The following GABRA2 variants were observed in gnomAD, a reference collection of about 807,000 sequenced individuals.
The protein encoded by GABRA2 is gamma-aminobutyric acid receptor subunit alpha-2.
GABRA2 carries 16 observed loss-of-function variants against 48.7 expected under a neutral mutation model. The ratio of observed to expected loss-of-function variants is 0.33; its 90% CI spans 0.22 to 0.50. The LOEUF is 0.50. GABRA2 is among the 20% of genes least tolerant of loss of function. The pLI, the probability that GABRA2 is intolerant of heterozygous loss-of-function variation, is 0.98. For synonymous variants in GABRA2, 185 were observed against 184.5 expected, an observed-to-expected ratio of 1.00 and a Z score of -0.02; for missense variants, 275 against 535.6, an observed-to-expected ratio of 0.51 and a Z score of 4.80.
chr4:46,344,455 A>C (rs1028911236), intron 3 of GABRA2, among the ~76,000 whole-genome samples: 1 of 151,972 alleles, frequency 6.6e-6, no homozygotes, highest in African/African-American at 2.4e-5. Context: ...ATGTTCAAAA[A>C]GCCGTGAGAA....
chr4:46,367,440 G>C (rs1714214462), intron 3 of GABRA2: 1 of 151,938 alleles, frequency 6.6e-6, no homozygotes, highest in African/African-American at 2.4e-5. Flanking sequence ...CATTCTCCCT[G>C]GCAATTACTG....
At chr4:46,319,123 T>G (rs958591949) in intron 4 of GABRA2, among the ~76,000 whole-genome samples, 1 of 151,864 alleles carries the variant, frequency 6.6e-6, no homozygotes, top group African/African-American at 2.4e-5. Flanking sequence ...GAAATCACTC[T>G]CTATAAACTA....
intron 3 of GABRA2, chr4:46,366,448 C>T (rs963666328): frequency 1.3e-5 from 2 of 152,112 alleles, no homozygotes; most frequent in Non-Finnish European, 2.9e-5. Context: ...TACATATACT[C>T]ATTGATACCA....
intron 8 of GABRA2, among the ~76,000 whole-genome samples, chr4:46,295,424 T>C (rs913895020): frequency 3.9e-5 from 6 of 152,218 alleles, no homozygotes; most frequent in Non-Finnish European, 5.9e-5. Flanking sequence ...ACTGTGAAGA[T>C]ATTTTTATCC....
intron 9 of GABRA2, among the ~76,000 whole-genome samples, chr4:46,255,309 A>C (rs1170409523): frequency 1.3e-5 from 2 of 151,738 alleles, no homozygotes; most frequent in Admixed American, 1.3e-4. Flanking sequence ...CATATAGACT[A>C]TAATAAATAC....
In GABRA2 at chr4:46,248,253, T is replaced by C. The variant is rs1714076835; in HGVS notation, c.*2055A>G. Among the ~76,000 whole-genome samples the C allele has an allele frequency of 6.6e-6, 1 of 151,374 alleles. No individual in the cohort carries two copies. On this transcript the variant is annotated 3_prime_UTR_variant, in exon 10 of 10. Coordinates refer to ENST00000381620, the MANE Select transcript of GABRA2 (RefSeq NM_000807.4). ...ATAATGCATACCATATAGAGCAATTTCATTGCTTGCCTTCTGGCATTGTGT... is the reference window on the plus strand; with the variant it reads ...ATAATGCATACCATATAGAGCAATTCCATTGCTTGCCTTCTGGCATTGTGT...
At chr4:46,316,777 T>G in intron 4 of GABRA2, among the ~76,000 whole-genome samples, 1 of 152,068 alleles carries the variant, frequency 6.6e-6, no homozygotes, top group South Asian at 2.1e-4. Context: ...CCTCTATAAA[T>G]TATCTGTTCA....
At chr4:46,251,506 A>C (rs1294572617) in intron 9 of GABRA2, among the ~76,000 whole-genome samples, 1 of 151,390 alleles carries the variant, frequency 6.6e-6, no homozygotes, top group Admixed American at 6.6e-5. Flanking sequence ...TAGCCATGAT[A>C]TTTCCCCAGC....
At chr4:46,352,002 T>C (rs1735212861) in intron 3 of GABRA2, among the ~76,000 whole-genome samples, 2 of 150,578 alleles carry the variant, frequency 1.3e-5, no homozygotes, top group South Asian at 4.2e-4. Context: ...TCCACTTACT[T>C]GTTCCTGCCA....
rs1713825045 is a variant in GABRA2 at position 46,246,959 on chromosome 4, G to T, written c.*3349C>A. On this transcript the variant is annotated 3_prime_UTR_variant, in exon 10 of 10. Transcript: ENST00000381620. ...GAATCCATGATTATATCATGGCAGG[G>T]TTTGTGTCCCTCAACCAGGAATTCA... 6.6e-6 allele frequency among the ~76,000 whole-genome samples: 1 copy of T among 150,982 alleles called. No individual in the cohort carries two copies.
intron 8 of GABRA2, among the ~76,000 whole-genome samples, chr4:46,288,309 G>T (rs1327264248): frequency 2.0e-5 from 3 of 152,108 alleles, no homozygotes; most frequent in Non-Finnish European, 1.5e-5. Context: ...CATTAATTTT[G>T]TATCCTGAGA....
In GABRA2 at chr4:46,246,572, T is replaced by G. The variant is rs1302793044; in HGVS notation, c.*3736A>C. On this transcript the variant is annotated 3_prime_UTR_variant, in exon 10 of 10. Transcript: ENST00000381620. Reference sequence around the variant, plus strand: ...CAATTAAAAGGAAAATGAATGGCACTATAGGGTAGCAATGAGTCAGGTAGT... The same window carrying G: ...CAATTAAAAGGAAAATGAATGGCACGATAGGGTAGCAATGAGTCAGGTAGT... 1.3e-5 allele frequency among the ~76,000 whole-genome samples: 2 copies of G among 151,162 alleles called. No individual in the cohort carries two copies. The highest frequency in any genetic ancestry group is 3.0e-5 in the Non-Finnish European group (2 of 67,420).
intron 4 of GABRA2, among the ~76,000 whole-genome samples, chr4:46,330,492 G>A (rs1393704098): frequency 6.6e-6 from 1 of 150,982 alleles, no homozygotes; most frequent in Non-Finnish European, 1.5e-5. Flanking sequence ...ATGTGAATTT[G>A]TGTAAAATCC....
At chr4:46,313,963 T>C (rs16859306) in intron 4 of GABRA2, among the ~76,000 whole-genome samples, 12,802 of 152,176 alleles carry the variant, frequency 0.084, 1,767 homozygotes, top group African/African-American at 0.29. Flanking sequence ...CCCTCAAAAC[T>C]TGAAACTGTG....
At chr4:46,371,120 C>A (rs1714818352) in intron 3 of GABRA2, among the ~76,000 whole-genome samples, 2 of 152,084 alleles carry the variant, frequency 1.3e-5, no homozygotes, top group Admixed American at 1.3e-4. Flanking sequence ...TCACAAAATC[C>A]TCTGATCAAA....
rs554545009 is a variant in GABRA2 at position 46,388,022 on chromosome 4, C to A, written c.71+614G>T. 2.2e-4 allele frequency among the ~76,000 whole-genome samples: 34 copies of A among 152,046 alleles called. 1 individual carries two copies. The highest frequency in any genetic ancestry group is 6.5e-4 in the African/African-American group (27 of 41,498). On this transcript the variant is annotated intron_variant, in intron 2 of 9. Coordinates refer to ENST00000381620, the MANE Select transcript of GABRA2 (RefSeq NM_000807.4). The stretch of plus-strand genomic sequence containing the variant: ...TTTATAGCATAGGCAAAAGAAAATT[C>A]ATTACATATTTTAAATCAGTACTCC...
At chr4:46,252,306 A>T (rs1221556242) in intron 9 of GABRA2, among the ~76,000 whole-genome samples, 1 of 151,526 alleles carries the variant, frequency 6.6e-6, no homozygotes, top group Non-Finnish European at 1.5e-5. Context: ...TTCAGTAATG[A>T]TGCATATAGT....
intron 8 of GABRA2, among the ~76,000 whole-genome samples, chr4:46,280,724 G>A (rs1721373694): frequency 6.6e-6 from 1 of 152,140 alleles, no homozygotes; most frequent in Non-Finnish European, 1.5e-5. Context: ...TCCTCATGTG[G>A]CTATTTCTAG....
At chr4:46,254,656 G>A (rs2109396062) in intron 9 of GABRA2, among the ~76,000 whole-genome samples, 1 of 151,638 alleles carries the variant, frequency 6.6e-6, no homozygotes, top group South Asian at 2.1e-4. Context: ...TGGGGATCAT[G>A]CAGGCAAACT....
Sources: gnomAD v4.1 joint callset for allele counts (sites outside exome capture counted in the v4.1 genomes callset) on GRCh38, gnomAD v4.1.1 for gene constraint, MANE v1.5 for transcripts, NCBI Gene and HGNC (gene_info 2026-07-23, HGNC 2026-07-21) for gene names.